The following MACROD2 variants were observed in gnomAD, a reference collection of about 807,000 sequenced individuals.
The protein encoded by MACROD2 is ADP-ribose glycohydrolase MACROD2.
A neutral mutation model predicts 70.4 loss-of-function variants in MACROD2; 36 were observed. The observed-to-expected ratio is 0.51, with a 90% confidence interval of 0.39 to 0.68. MACROD2 has a LOEUF of 0.68. MACROD2 is among the 30% of genes least tolerant of loss of function. The pLI, the probability that MACROD2 is intolerant of heterozygous loss-of-function variation, is 0.00. For missense variants in MACROD2, 496 were observed against 538.4 expected (o/e 0.92, Z 0.78); for synonymous variants, 172 against 178.8 (o/e 0.96, Z 0.30).
At chr20:15,699,985 G>T (rs769347769) in intron 8 of MACROD2, among the ~76,000 whole-genome samples, 2 of 152,112 alleles carry the variant, frequency 1.3e-5, no homozygotes, top group Non-Finnish European at 2.9e-5. Context: ...ACTTGACTCA[G>T]CTCCAGGTAA....
chr20:15,871,911 G>A (rs770842936), intron 9 of MACROD2, among the ~76,000 whole-genome samples: 12 of 152,124 alleles, frequency 7.9e-5, no homozygotes, highest in African/African-American at 1.4e-4. Flanking sequence ...CTCAATTCAC[G>A]ACTTGAGAGA....
intron 8 of MACROD2, among the ~76,000 whole-genome samples, chr20:15,639,398 CTTT>C (rs1168118883): frequency 6.6e-6 from 1 of 152,152 alleles, no homozygotes; most frequent in Non-Finnish European, 1.5e-5. Flanking sequence ...ATATATCAGT[CTTT>C]TCTCTGAAAT....
intron 12 of MACROD2, among the ~76,000 whole-genome samples, chr20:15,962,132 C>T (rs1036283700): frequency 2.0e-5 from 3 of 152,190 alleles, no homozygotes; most frequent in African/African-American, 7.2e-5. Flanking sequence ...CAGTGTGGCA[C>T]TGGTGCACAC....
Position 14,643,924 on chromosome 20 carries a change from C to T in MACROD2, c.302-40919C>T, listed in dbSNP as rs565705343. Among the ~76,000 whole-genome samples, 261 of 152,026 alleles carry T rather than the reference C, an allele frequency of 1.7e-3. 1 individual carries two copies. Among genetic ancestry groups the T allele is most frequent in the African/African-American group, 5.9e-3 (244 of 41,454 alleles). Reference sequence around the variant, plus strand: ...TGGATAGAATTTTTTTTAAAAAACCCAAAACTTCCTTAAGCTGTAGTTAGT... The same window carrying T: ...TGGATAGAATTTTTTTTAAAAAACCTAAAACTTCCTTAAGCTGTAGTTAGT... On this transcript the variant is annotated intron_variant, in intron 4 of 17. Transcript: ENST00000684519.
intron 4 of MACROD2, among the ~76,000 whole-genome samples, chr20:14,629,403 T>A (rs1984376825): frequency 6.6e-6 from 1 of 152,268 alleles, no homozygotes; most frequent in Non-Finnish European, 1.5e-5. Flanking sequence ...GAGAATTAGC[T>A]ATTGTACTTC....
intron 6 of MACROD2, among the ~76,000 whole-genome samples, chr20:15,301,969 G>A (rs1241521216): frequency 1.3e-5 from 2 of 152,112 alleles, no homozygotes; most frequent in Non-Finnish European, 2.9e-5. Context: ...ACACACAAAT[G>A]TAACAAACAC....
chr20:14,253,672 A>G (rs1276809656), intron 3 of MACROD2, among the ~76,000 whole-genome samples: 1 of 152,136 alleles, frequency 6.6e-6, no homozygotes, highest in Admixed American at 6.6e-5. Context: ...ATCTACAATT[A>G]GAATGTTTAT....
intron 3 of MACROD2, among the ~76,000 whole-genome samples, chr20:14,200,563 C>T (rs1409430943): frequency 6.6e-6 from 1 of 152,150 alleles, no homozygotes; most frequent in Non-Finnish European, 1.5e-5. Context: ...AAGATTTCCT[C>T]CTCTTTAAGA....
intron 5 of MACROD2, among the ~76,000 whole-genome samples, chr20:15,207,436 G>GTTTTTTTT (rs548522491): frequency 4.7e-5 from 4 of 84,588 alleles, no homozygotes; most frequent in African/African-American, 1.1e-4. Context: ...TTTGTTTCTG[G>GTTTTTTTT]TTTTTTTTTT....
chr20:14,587,522 A>C (rs1278970624), intron 4 of MACROD2, among the ~76,000 whole-genome samples: 1 of 151,800 alleles, frequency 6.6e-6, no homozygotes, highest in Non-Finnish European at 1.5e-5. Context: ...AAAAGGTTTA[A>C]TCTTTTTAAG....
chr20:16,022,047 C>CT (rs543662575), intron 15 of MACROD2, among the ~76,000 whole-genome samples: 9,913 of 108,926 alleles, frequency 0.091, 653 homozygotes, highest in East Asian at 0.13. Flanking sequence ...GTTTCAGTTT[C>CT]TTTTTTTTTT....
At chr20:14,125,750 C>G (rs771734301) in intron 3 of MACROD2, among the ~76,000 whole-genome samples, 5 of 151,926 alleles carry the variant, frequency 3.3e-5, no homozygotes, top group African/African-American at 4.8e-5. Flanking sequence ...CAGCATAACT[C>G]TTTTAAAATA....
At chr20:14,567,381 T>C (rs1312024444) in intron 4 of MACROD2, among the ~76,000 whole-genome samples, 3 of 151,978 alleles carry the variant, frequency 2.0e-5, no homozygotes, top group Non-Finnish European at 4.4e-5. Flanking sequence ...TGATACAGTG[T>C]TGTATAAAAA....
chr20:15,499,947 CT>C, intron 8 of MACROD2, 100 bp downstream of exon 8: 1 of 1,130,984 alleles, frequency 8.8e-7, no homozygotes, highest in Non-Finnish European at 1.3e-6. Flanking sequence ...TCAACTACAC[CT>C]AGTCATTGAG....
At chr20:15,617,293 G>T (rs1158352824) in intron 8 of MACROD2, among the ~76,000 whole-genome samples, 1 of 152,148 alleles carries the variant, frequency 6.6e-6, no homozygotes, top group East Asian at 1.9e-4. Context: ...TTCATGTTTA[G>T]ATCAGGAAGG....
At chr20:15,092,241 A>G (rs768594080) in intron 5 of MACROD2, among the ~76,000 whole-genome samples, 1 of 151,982 alleles carries the variant, frequency 6.6e-6, no homozygotes, top group Non-Finnish European at 1.5e-5. Flanking sequence ...TTTATTTAAT[A>G]GATTTTGGAC....
intron 8 of MACROD2, among the ~76,000 whole-genome samples, chr20:15,821,790 G>A (rs1201717222): frequency 6.6e-6 from 1 of 152,182 alleles, no homozygotes; most frequent in Non-Finnish European, 1.5e-5. Flanking sequence ...TATGCAAATA[G>A]TATGCCATTT....
chr20:14,072,043 CAT>C (rs1043014170), intron 2 of MACROD2, among the ~76,000 whole-genome samples: 2 of 152,146 alleles, frequency 1.3e-5, no homozygotes, highest in Admixed American at 6.5e-5. Flanking sequence ...AAGAAGAAAA[CAT>C]AAATAGAAGA....
chr20:14,092,344 A>G (rs568260013), intron 3 of MACROD2, among the ~76,000 whole-genome samples: 27 of 152,148 alleles, frequency 1.8e-4, no homozygotes, highest in African/African-American at 6.5e-4. Context: ...GCCATTTTGT[A>G]ATGGGTCTCA....
Sources: gnomAD v4.1 joint callset for allele counts (sites outside exome capture counted in the v4.1 genomes callset) on GRCh38, gnomAD v4.1.1 for gene constraint, MANE v1.5 for transcripts, NCBI Gene and HGNC (gene_info 2026-07-23, HGNC 2026-07-21) for gene names.